The following ZNF804B variants were observed in gnomAD, a reference collection of about 807,000 sequenced individuals.
The protein encoded by ZNF804B is zinc finger protein 804B.
In ZNF804B, 80 loss-of-function variants were observed where a neutral mutation model predicts 101.4. The ratio of observed to expected loss-of-function variants is 0.79; its 90% CI spans 0.66 to 0.95. The LOEUF is 0.95. Ranked by LOEUF, ZNF804B falls within the 40% of genes least tolerant of loss-of-function variation. The probability of loss-of-function intolerance (pLI) is 0.00; values close to 1 mark genes in which losing one functional copy is unlikely to be tolerated. For missense variants in ZNF804B, 1,673 were observed against 1,561.9 expected (o/e 1.07, Z -1.20); for synonymous variants, 622 against 558.8 (o/e 1.11, Z -1.59).
chr7:89,302,177 T>G (rs1790485698), intron 2 of ZNF804B, among the ~76,000 whole-genome samples: 1 of 151,942 alleles, frequency 6.6e-6, no homozygotes, highest in Admixed American at 6.6e-5. Flanking sequence ...GCAATAAGAT[T>G]GTGTGTATAC....
chr7:88,820,328 A>G (rs535636509), intron 1 of ZNF804B, among the ~76,000 whole-genome samples: 73 of 152,328 alleles, frequency 4.8e-4, no homozygotes, highest in Admixed American at 1.6e-3. Flanking sequence ...GAAGCTATCA[A>G]TGAGTACCAT....
chr7:89,023,342 G>C (rs1788698338), intron 1 of ZNF804B, among the ~76,000 whole-genome samples: 1 of 152,156 alleles, frequency 6.6e-6, no homozygotes, highest in South Asian at 2.1e-4. Flanking sequence ...AAAATGTGTT[G>C]AGACAATAGA....
intron 1 of ZNF804B, among the ~76,000 whole-genome samples, chr7:88,912,314 T>A (rs1792560370): frequency 1.3e-5 from 2 of 152,088 alleles, no homozygotes; most frequent in African/African-American, 2.4e-5. Context: ...AATCTGGATA[T>A]AATCTTTCAT....
rs138504147 is a variant in ZNF804B, at chr7:89,179,243, A to G, written c.109-38912A>G. On this transcript the variant is annotated intron_variant, in intron 1 of 3. Coordinates refer to ENST00000333190, the MANE Select transcript of ZNF804B (RefSeq NM_181646.5). ...GTTCTCTGTTATTATCTCTTTGAAT[A>G]AACTTTCTACTCCAATCTCTCTACT... Among the ~76,000 whole-genome samples, 525 of 152,280 alleles carry G rather than the reference A, an allele frequency of 3.4e-3. 1 individual carries two copies. Among genetic ancestry groups the G allele is most frequent in the African/African-American group, 0.012 (497 of 41,556 alleles).
At chr7:88,770,974 G>A (rs1421860585) in intron 1 of ZNF804B, among the ~76,000 whole-genome samples, 2 of 152,152 alleles carry the variant, frequency 1.3e-5, no homozygotes, top group Non-Finnish European at 2.9e-5. Context: ...TGTAGTGCAG[G>A]TTTGAAATAT....
In ZNF804B at chr7:89,220,054, C is replaced by CGCACATATATGTGTATATACAT. The variant is rs1554380232; in HGVS notation, c.249+1759_249+1760insGCACATATATGTGTATATACAT. 1.8e-5 allele frequency among the ~76,000 whole-genome samples: 2 copies of CGCACATATATGTGTATATACAT among 110,240 alleles called. 1 individual carries two copies. Among genetic ancestry groups the CGCACATATATGTGTATATACAT allele is most frequent in the African/African-American group, 7.1e-5 (2 of 27,976 alleles). The allele number at this position is 110,240 out of a possible 152,430, so 72.3% of individuals were successfully genotyped here. A position where few individuals can be genotyped will look rare whatever the true frequency, so the allele number is the denominator to read the frequency against. ...ATACGCACATATATGTGCATATATACATATATACGCACATATATGTGTATA... is the reference window on the plus strand; with the variant it reads ...ATACGCACATATATGTGCATATATACGCACATATATGTGTATATACATATATATACGCACATATATGTGTATA... On this transcript the variant is annotated intron_variant, in intron 2 of 3. Coordinates refer to ENST00000333190, the MANE Select transcript of ZNF804B (RefSeq NM_181646.5).
At chr7:88,929,242 G>T (rs1792848171) in intron 1 of ZNF804B, among the ~76,000 whole-genome samples, 1 of 151,826 alleles carries the variant, frequency 6.6e-6, no homozygotes, top group Non-Finnish European at 1.5e-5. Flanking sequence ...ACTGGGGATG[G>T]GTGTGAGTGT....
chr7:89,309,946 G>A (rs1252223652), intron 2 of ZNF804B, among the ~76,000 whole-genome samples: 2 of 151,760 alleles, frequency 1.3e-5, no homozygotes, highest in Non-Finnish European at 2.9e-5. Flanking sequence ...TTATTTTGAG[G>A]GATGGCCATA....
chr7:88,909,473 A>T (rs555774697), intron 1 of ZNF804B, among the ~76,000 whole-genome samples: 6 of 151,792 alleles, frequency 4.0e-5, no homozygotes, highest in East Asian at 1.9e-4. Context: ...TAGGTGATTT[A>T]AAAAAAATCT....
chr7:88,967,744 G>A (rs1303661754), intron 1 of ZNF804B, among the ~76,000 whole-genome samples: 11 of 146,086 alleles, frequency 7.5e-5, no homozygotes, highest in Non-Finnish European at 1.5e-5. Context: ...AAAATCATGT[G>A]TAAAGATGAG....
intron 2 of ZNF804B, among the ~76,000 whole-genome samples, chr7:89,229,241 G>A (rs997355788): frequency 6.6e-6 from 1 of 152,234 alleles, no homozygotes; most frequent in East Asian, 1.9e-4. Context: ...CAGAGGAGGC[G>A]CTGAGAGTGA....
At chr7:89,197,648 G>T (rs1788575768) in intron 1 of ZNF804B, among the ~76,000 whole-genome samples, 1 of 151,744 alleles carries the variant, frequency 6.6e-6, no homozygotes, top group African/African-American at 2.4e-5. Context: ...AGGAATCTTA[G>T]ATCTTGATTC....
intron 1 of ZNF804B, among the ~76,000 whole-genome samples, chr7:88,779,834 C>A (rs1401678736): frequency 6.6e-6 from 1 of 152,040 alleles, no homozygotes; most frequent in Non-Finnish European, 1.5e-5. Context: ...CATATCTGTT[C>A]TCCTTTCTTC....
intron 1 of ZNF804B, among the ~76,000 whole-genome samples, chr7:88,761,812 A>G (rs549554739): frequency 6.6e-6 from 1 of 152,288 alleles, no homozygotes; most frequent in African/African-American, 2.4e-5. Context: ...TGGTTAGACT[A>G]TGGTGTTCAT....
At chr7:89,111,698 A>G (rs978053676) in intron 1 of ZNF804B, among the ~76,000 whole-genome samples, 8 of 152,208 alleles carry the variant, frequency 5.3e-5, no homozygotes, top group African/African-American at 1.7e-4. Flanking sequence ...TTCTCAGAGT[A>G]GAAGTTTTTC....
intron 1 of ZNF804B, among the ~76,000 whole-genome samples, chr7:89,043,956 T>C (rs952231937): frequency 2.6e-5 from 4 of 152,342 alleles, no homozygotes; most frequent in Admixed American, 1.3e-4. Context: ...AAAGAATTTA[T>C]GGTATATATA....
intron 1 of ZNF804B, among the ~76,000 whole-genome samples, chr7:89,053,094 A>G (rs1163128470): frequency 6.6e-6 from 1 of 152,156 alleles, no homozygotes; most frequent in Non-Finnish European, 1.5e-5. Flanking sequence ...GTTTTATGGT[A>G]TATTGTTTTT....
At chr7:88,780,266 G>T (rs1790203587) in intron 1 of ZNF804B, among the ~76,000 whole-genome samples, 1 of 151,776 alleles carries the variant, frequency 6.6e-6, no homozygotes, top group South Asian at 2.1e-4. Flanking sequence ...AAGTTTGGAG[G>T]TTCCTCAAAA....
chr7:89,087,338 TAA>T (rs34120249), intron 1 of ZNF804B, among the ~76,000 whole-genome samples: 56 of 150,794 alleles, frequency 3.7e-4, no homozygotes, highest in African/African-American at 1.2e-3. Flanking sequence ...TTTCTGATTA[TAA>T]AAAAAAAGGG....
Sources: allele counts gnomAD v4.1 joint callset (sites outside exome capture counted in the v4.1 genomes callset), GRCh38; gene constraint gnomAD v4.1.1; transcripts MANE v1.5; gene names NCBI Gene and HGNC (gene_info 2026-07-23, HGNC 2026-07-21).